SLC28A1: variants seen among roughly 807,000 people sequenced by gnomAD.
The protein encoded by SLC28A1 is solute carrier family 28 member 1.
In SLC28A1, 64 loss-of-function variants were observed where a neutral mutation model predicts 74.8. The ratio of observed to expected loss-of-function variants is 0.86; its 90% confidence interval spans 0.70 to 1.05. SLC28A1 has a LOEUF of 1.05. Among genes scored for constraint, SLC28A1 ranks in the 50% least tolerant of loss-of-function variants. The pLI, the probability that SLC28A1 is intolerant of heterozygous loss-of-function variation, is 0.00. For missense variants in SLC28A1, 828 were observed against 822.8 expected, an observed-to-expected ratio of 1.01 and a Z score of -0.08; for synonymous variants, 359 against 335.0, an observed-to-expected ratio of 1.07 and a Z score of -0.78.
the SLC28A1 span, among the ~76,000 whole-genome samples, chr15:84,973,612 A>G: frequency 2.6e-5 from 4 of 152,086 alleles, no homozygotes; most frequent in African/African-American, 9.7e-5. Context: ...CTTGGTGCCC[A>G]CCCTCCACCC....
intron 8 of SLC28A1, among the ~76,000 whole-genome samples, chr15:84,907,805 C>T (rs80164313): frequency 2.5e-3 from 376 of 152,282 alleles, no homozygotes; most frequent in African/African-American, 8.8e-3. Flanking sequence ...AGAACCCTGC[C>T]GGTCCAGGAA....
intron 6 of SLC28A1, chr15:84,895,854 T>G: frequency 9.3e-7 from 1 of 1,072,068 alleles, no homozygotes; most frequent in Non-Finnish European, 1.1e-6. Context: ...TGACCAAAGA[T>G]ACCCAAAGAC....
chr15:84,926,637 C>T, intron 12 of SLC28A1: 1 of 440,262 alleles, frequency 2.3e-6, no homozygotes, highest in Non-Finnish European at 4.6e-6. Context: ...CCTAAATGCC[C>T]AGCAGTACAG....
intron 3 of SLC28A1, 69 bp downstream of exon 3, chr15:84,887,925 GAT>G (rs1964796924): frequency 8.7e-7 from 1 of 1,154,886 alleles, no homozygotes; most frequent in Non-Finnish European, 1.3e-6. Flanking sequence ...CTGCCGAGGT[GAT>G]GAGGCTTTTG....
chr15:84,898,685 A>C (rs1386370368), intron 6 of SLC28A1, among the ~76,000 whole-genome samples: 1 of 152,168 alleles, frequency 6.6e-6, no homozygotes, highest in Non-Finnish European at 1.5e-5. Flanking sequence ...AACTGGAATG[A>C]ATACATGAGA....
chr15:84,899,276 G>A (rs1164695575), intron 6 of SLC28A1, among the ~76,000 whole-genome samples: 1 of 152,050 alleles, frequency 6.6e-6, no homozygotes, highest in Admixed American at 6.6e-5. Flanking sequence ...CAGAGCATCA[G>A]TTAACCACGG....
chr15:84,901,679 A>AT (rs1233918087), intron 6 of SLC28A1, among the ~76,000 whole-genome samples: 1 of 152,264 alleles, frequency 6.6e-6, no homozygotes, highest in Non-Finnish European at 1.5e-5. Context: ...CCATATGCTG[A>AT]TTAGAATGGG....
At chr15:84,940,853 G>A (rs899660508) in intron 15 of SLC28A1, 2 of 187,126 alleles carry the variant, frequency 1.1e-5, no homozygotes, top group Non-Finnish European at 2.3e-5. Flanking sequence ...CCTCTTGGGC[G>A]CATTGGGATG....
chr15:84,960,891 A>G, the SLC28A1 span, among the ~76,000 whole-genome samples: 1 of 152,114 alleles, frequency 6.6e-6, no homozygotes, highest in Non-Finnish European at 1.5e-5. Context: ...TTTGAGCGAC[A>G]ACAGTGCTAA....
At chr15:84,967,551 A>G in the SLC28A1 span, among the ~76,000 whole-genome samples, 1 of 152,362 alleles carries the variant, frequency 6.6e-6, no homozygotes, top group South Asian at 2.1e-4. Flanking sequence ...CAGACATAAT[A>G]GTGAACTTAG....
intron 11 of SLC28A1, among the ~76,000 whole-genome samples, chr15:84,922,568 T>G (rs1233188788): frequency 6.6e-6 from 1 of 152,180 alleles, no homozygotes; most frequent in Non-Finnish European, 1.5e-5. Flanking sequence ...TGCCGTCTCC[T>G]CCTACCTCTT....
chr15:84,962,896 C>T, the SLC28A1 span, among the ~76,000 whole-genome samples: 1 of 152,174 alleles, frequency 6.6e-6, no homozygotes, highest in Non-Finnish European at 1.5e-5. Flanking sequence ...TGGATCTGAG[C>T]ACAGAGCTTT....
chr15:84,915,473 G>A (rs771156825), intron 9 of SLC28A1, among the ~76,000 whole-genome samples: 1 of 152,148 alleles, frequency 6.6e-6, no homozygotes, highest in East Asian at 1.9e-4. Flanking sequence ...CCCTTGCCGG[G>A]CCCTCACCAG....
the SLC28A1 span, among the ~76,000 whole-genome samples, chr15:84,967,529 T>G: frequency 2.0e-5 from 3 of 152,308 alleles, no homozygotes; most frequent in East Asian, 5.8e-4. Flanking sequence ...ACTGCACAAA[T>G]TCATTCAGAC....
chr15:84,911,555 T>A (rs1228522539), intron 9 of SLC28A1, among the ~76,000 whole-genome samples: 1 of 151,820 alleles, frequency 6.6e-6, no homozygotes, highest in Non-Finnish European at 1.5e-5. Context: ...ATAACAAAAA[T>A]GATCATTTAA....
intron 6 of SLC28A1, among the ~76,000 whole-genome samples, chr15:84,898,893 G>A (rs1330485414): frequency 6.6e-6 from 1 of 152,202 alleles, no homozygotes; most frequent in African/African-American, 2.4e-5. Flanking sequence ...ATCCAGGGAA[G>A]CCATGGCAGG....
chr15:84,911,785 G>A (rs1166611677), intron 9 of SLC28A1, among the ~76,000 whole-genome samples: 1 of 150,674 alleles, frequency 6.6e-6, no homozygotes, highest in Non-Finnish European at 1.5e-5. Flanking sequence ...CTTGAACCTG[G>A]GAGACGGAGG....
chr15:84,911,352 T>C (rs1968182536), intron 9 of SLC28A1, among the ~76,000 whole-genome samples: 1 of 152,198 alleles, frequency 6.6e-6, no homozygotes, highest in African/African-American at 2.4e-5. Flanking sequence ...GCGGCCTCCC[T>C]TTTGTATTAC....
downstream of SLC28A1, among the ~76,000 whole-genome samples, chr15:84,947,894 G>A (rs1278231954): frequency 2.6e-5 from 4 of 152,328 alleles, no homozygotes; most frequent in Non-Finnish European, 5.9e-5. Context: ...AACAAGAGGG[G>A]AAAATGGGTG....
Sources: allele counts gnomAD v4.1 joint callset (sites outside exome capture counted in the v4.1 genomes callset), GRCh38; gene constraint gnomAD v4.1.1; transcripts MANE v1.5; gene names NCBI Gene and HGNC (gene_info 2026-07-23, HGNC 2026-07-21).